TSPAN19: variants seen among roughly 807,000 people sequenced by gnomAD.
The protein encoded by TSPAN19 is tetraspanin-19.
TSPAN19 carries 44 observed loss-of-function variants against 35.1 expected under a neutral mutation model. The ratio of observed to expected loss-of-function variants is 1.25; its 90% CI spans 0.98 to 1.61. The LOEUF is 1.61. Ranked by LOEUF, TSPAN19 falls within the 40% of genes most tolerant of loss-of-function variation. The pLI is 0.00. For synonymous variants in TSPAN19, 79 were observed against 92.0 expected (o/e 0.86, Z 0.81); for missense variants, 290 against 280.0 (o/e 1.04, Z -0.26).
chr12:85,028,104 A>G (rs1032632056), intron 3 of TSPAN19, 81 bp from the exon 4 acceptor site: 1 of 1,201,436 alleles, frequency 8.3e-7, no homozygotes, highest in African/African-American at 1.6e-5. Flanking sequence ...TTTAAGAATA[A>G]TTGCAGCAAT....
At chr12:85,023,549 T>C in intron 4 of TSPAN19, 149 bp from the exon 5 acceptor site, 2 of 567,460 alleles carry the variant, frequency 3.5e-6, no homozygotes, top group South Asian at 5.6e-5. Flanking sequence ...CAAATATGAA[T>C]GAAATTAGTG....
At chr12:85,031,161 C>T (rs1877667833) in intron 1 of TSPAN19, among the ~76,000 whole-genome samples, 1 of 152,100 alleles carries the variant, frequency 6.6e-6, no homozygotes, top group Admixed American at 6.6e-5. Flanking sequence ...TACGGAGTCA[C>T]TACAGGTTAT....
chr12:85,025,145 T>A (rs2135806778), intron 4 of TSPAN19, among the ~76,000 whole-genome samples: 1 of 151,996 alleles, frequency 6.6e-6, no homozygotes. Flanking sequence ...AAACCTTTTT[T>A]TTTTTTTTGA....
At position 85,030,777 on chromosome 12, in the gene TSPAN19, C is replaced by T. The variant is rs144715635; in HGVS notation, c.-27-804G>A. 1.1e-3 allele frequency among the ~76,000 whole-genome samples: 166 copies of T among 152,166 alleles called. No individual in the cohort carries two copies. In the Middle Eastern group the frequency reaches 0.024, roughly 22 times the overall value. On this transcript the variant is annotated intron_variant, in intron 1 of 8. Transcript: ENST00000532498. ...TAAAACTTTCATGGAAAAATCAATACCTACTCCATTGGTTTTTGGTGCTGG... is the reference window on the plus strand; with the variant it reads ...TAAAACTTTCATGGAAAAATCAATATCTACTCCATTGGTTTTTGGTGCTGG...
intron 3 of TSPAN19, 26 bp from the exon 4 acceptor site, chr12:85,028,049 T>C: frequency 4.8e-6 from 7 of 1,468,514 alleles, no homozygotes; most frequent in Non-Finnish European, 5.5e-6. Flanking sequence ...ATTTACTTAT[T>C]ATGAAGTGGT....
At chr12:85,031,063 A>C (rs1382757460) in intron 1 of TSPAN19, among the ~76,000 whole-genome samples, 1 of 152,138 alleles carries the variant, frequency 6.6e-6, no homozygotes, top group East Asian at 1.9e-4. Context: ...TGGAAAAAAA[A>C]GAGATGTCTA....
chr12:85,030,461 G>T (rs1877631899), intron 1 of TSPAN19, among the ~76,000 whole-genome samples: 1 of 152,008 alleles, frequency 6.6e-6, no homozygotes, highest in Admixed American at 6.6e-5. Context: ...TCCTCACTGA[G>T]GTGTTGGTTT....
intron 1 of TSPAN19, among the ~76,000 whole-genome samples, chr12:85,032,176 A>G (rs1877715777): frequency 6.6e-6 from 1 of 152,140 alleles, no homozygotes; most frequent in African/African-American, 2.4e-5. Context: ...TATGTCTCAT[A>G]AGGACTATAA....
chr12:85,031,658 T>C (rs529330292), intron 1 of TSPAN19, among the ~76,000 whole-genome samples: 2 of 152,286 alleles, frequency 1.3e-5, no homozygotes, highest in East Asian at 1.9e-4. Flanking sequence ...TGTTAGAAAC[T>C]TGGAGCTAAC....
intron 5 of TSPAN19, among the ~76,000 whole-genome samples, chr12:85,022,225 GCA>G (rs142980003): frequency 6.7e-5 from 10 of 149,980 alleles, no homozygotes; most frequent in African/African-American, 1.2e-4. Context: ...ACAAACACAC[GCA>G]CACACACACA....
At chr12:85,017,322 G>A in intron 7 of TSPAN19, 134 bp downstream of exon 7, 2 of 736,288 alleles carry the variant, frequency 2.7e-6, no homozygotes, top group South Asian at 1.8e-5. Flanking sequence ...TCAACTTAGG[G>A]AAGTGGATTA....
At chr12:85,023,829 C>A (rs1262610416) in intron 4 of TSPAN19, among the ~76,000 whole-genome samples, 1 of 152,138 alleles carries the variant, frequency 6.6e-6, no homozygotes, top group Admixed American at 6.5e-5. Flanking sequence ...AAACTTAATT[C>A]TTTACGTATA....
At chr12:85,025,813 C>T (rs1412391471) in intron 4 of TSPAN19, among the ~76,000 whole-genome samples, 1 of 152,182 alleles carries the variant, frequency 6.6e-6, no homozygotes, top group African/African-American at 2.4e-5. Flanking sequence ...GCGTGAGCAC[C>T]GCACCTGGCC....
At chr12:85,026,475 C>A (rs1368568183) in intron 4 of TSPAN19, among the ~76,000 whole-genome samples, 2 of 152,072 alleles carry the variant, frequency 1.3e-5, no homozygotes, top group Non-Finnish European at 2.9e-5. Context: ...AGCAACAGAG[C>A]ATAGTCCTTG....
intron 4 of TSPAN19, among the ~76,000 whole-genome samples, chr12:85,025,710 A>G (rs968295083): frequency 1.3e-5 from 2 of 151,990 alleles, no homozygotes; most frequent in Non-Finnish European, 2.9e-5. Flanking sequence ...TATTTTTAGT[A>G]GAGATGGGGT....
At chr12:85,020,419 A>G (rs1027446563) in intron 5 of TSPAN19, among the ~76,000 whole-genome samples, 1 of 151,986 alleles carries the variant, frequency 6.6e-6, no homozygotes, top group Non-Finnish European at 1.5e-5. Context: ...AATCTACTGT[A>G]TATTTCTACA....
intron 4 of TSPAN19, among the ~76,000 whole-genome samples, chr12:85,027,083 A>G (rs980223356): frequency 3.3e-5 from 5 of 152,272 alleles, no homozygotes; most frequent in Non-Finnish European, 7.4e-5. Context: ...TAACTGCCAC[A>G]TGTATGGTAA....
intron 4 of TSPAN19, among the ~76,000 whole-genome samples, chr12:85,026,921 T>G (rs1489223839): frequency 6.6e-6 from 1 of 152,110 alleles, no homozygotes; most frequent in Non-Finnish European, 1.5e-5. Flanking sequence ...CTTTCAGTGC[T>G]CCATAAAAGC....
At chr12:85,033,615 C>A (rs558459121) in intron 1 of TSPAN19, among the ~76,000 whole-genome samples, 4 of 152,170 alleles carry the variant, frequency 2.6e-5, no homozygotes, top group African/African-American at 9.6e-5. Context: ...TAAATTGATT[C>A]CCTTTATCGT....
Sources: allele counts gnomAD v4.1 joint callset (sites outside exome capture counted in the v4.1 genomes callset), GRCh38; gene constraint gnomAD v4.1.1; transcripts MANE v1.5; gene names NCBI Gene and HGNC (gene_info 2026-07-23, HGNC 2026-07-21).